B3GALT1: variants seen among roughly 807,000 people sequenced by gnomAD.
The protein encoded by B3GALT1 is UDP-Gal:betaGlcNAc beta 1,3-galactosyltransferase, polypeptide 1.
Under a neutral mutation model 23.2 loss-of-function variants are expected in B3GALT1, and 10 were observed. The observed-to-expected ratio is 0.43, with a 90% CI of 0.27 to 0.73. The LOEUF is 0.73. B3GALT1 is among the 30% of genes least tolerant of loss of function. The pLI, the probability that B3GALT1 is intolerant of heterozygous loss-of-function variation, is 0.21. For synonymous variants in B3GALT1, 156 were observed against 141.5 expected (o/e 1.10, Z -0.73); for missense variants, 299 against 405.4 (o/e 0.74, Z 2.25).
chr2:167,809,838 G>A (rs917742136), intron 3 of B3GALT1, among the ~76,000 whole-genome samples: 6 of 152,048 alleles, frequency 3.9e-5, no homozygotes, highest in African/African-American at 1.4e-4. Flanking sequence ...TAAGTCTGCA[G>A]AGGATTCTGC....
chr2:167,803,081 A>AACACACACAC (rs71940853), intron 3 of B3GALT1, among the ~76,000 whole-genome samples: 5,999 of 141,332 alleles, frequency 0.042, 337 homozygotes, highest in East Asian at 0.17. Context: ...GACCCTAACA[A>AACACACACAC]ACACACACAC....
chr2:167,482,683 T>TA (rs1434132609), intron 1 of B3GALT1, among the ~76,000 whole-genome samples: 1 of 151,828 alleles, frequency 6.6e-6, no homozygotes, highest in Admixed American at 6.6e-5. Flanking sequence ...CTACTAAAAA[T>TA]AAAAAAATTA....
chr2:167,545,201 AT>A (rs1273727323), intron 2 of B3GALT1, among the ~76,000 whole-genome samples: 24 of 151,246 alleles, frequency 1.6e-4, no homozygotes, highest in East Asian at 5.9e-4. Context: ...CGCCCGGCTA[AT>A]TTTTTTGTAT....
At chr2:167,771,452 T>C (rs12612454) in intron 3 of B3GALT1, among the ~76,000 whole-genome samples, 36,629 of 151,908 alleles carry the variant, frequency 0.24, 4,662 homozygotes, top group African/African-American at 0.31. Context: ...AACAAAAAAG[T>C]CCCAGCTACT....
intron 4 of B3GALT1, among the ~76,000 whole-genome samples, chr2:167,835,920 T>A (rs1689456219): frequency 6.6e-6 from 1 of 152,070 alleles, no homozygotes; most frequent in East Asian, 1.9e-4. Context: ...GCAAACAGGG[T>A]CTGGAGTGGA....
At chr2:167,720,782 A>G (rs1475354990) in intron 3 of B3GALT1, among the ~76,000 whole-genome samples, 2 of 152,162 alleles carry the variant, frequency 1.3e-5, no homozygotes, top group Admixed American at 6.5e-5. Flanking sequence ...CTTTGTAACC[A>G]TTCTTGAAAT....
chr2:167,630,194 C>T (rs1327087185), intron 2 of B3GALT1, among the ~76,000 whole-genome samples: 1 of 151,714 alleles, frequency 6.6e-6, no homozygotes, highest in Non-Finnish European at 1.5e-5. Context: ...ACACTTACCA[C>T]AATGCATTAA....
intron 3 of B3GALT1, among the ~76,000 whole-genome samples, chr2:167,777,107 T>C (rs1337226848): frequency 6.6e-6 from 1 of 152,190 alleles, no homozygotes; most frequent in African/African-American, 2.4e-5. Flanking sequence ...TTTCTAAGTA[T>C]CAGGCATATA....
intron 2 of B3GALT1, among the ~76,000 whole-genome samples, chr2:167,562,162 C>T (rs531677369): frequency 1.3e-5 from 2 of 152,168 alleles, no homozygotes; most frequent in African/African-American, 2.4e-5. Flanking sequence ...ATATGCAAAT[C>T]AATAAATGTA....
intron 1 of B3GALT1, among the ~76,000 whole-genome samples, chr2:167,380,600 CCCAG>C (rs1697835335): frequency 6.6e-6 from 1 of 152,112 alleles, no homozygotes; most frequent in Non-Finnish European, 1.5e-5. Context: ...TTTGTATGCA[CCCAG>C]ATTAAAAATG....
intron 1 of B3GALT1, among the ~76,000 whole-genome samples, chr2:167,330,132 A>G (rs1335833844): frequency 6.8e-6 from 1 of 147,170 alleles, no homozygotes; most frequent in African/African-American, 2.7e-5. Flanking sequence ...TTCCTTCTTC[A>G]CTCTAGGACC....
At chr2:167,525,286 A>G (rs1445363888) in intron 2 of B3GALT1, among the ~76,000 whole-genome samples, 1 of 151,958 alleles carries the variant, frequency 6.6e-6, no homozygotes, top group African/African-American at 2.4e-5. Context: ...TTTGTTTGGT[A>G]CGTTTTCCTT....
chr2:167,364,757 G>C (rs575265465), intron 1 of B3GALT1, among the ~76,000 whole-genome samples: 1 of 152,124 alleles, frequency 6.6e-6, no homozygotes, highest in South Asian at 2.1e-4. Flanking sequence ...TAGAAGTTGT[G>C]CTTTACATTT....
In B3GALT1 at chr2:167,870,421, G is replaced by A. The variant is rs1690319330; in HGVS notation, c.*401G>A. On this transcript the variant is annotated 3_prime_UTR_variant, in exon 5 of 5. Transcript: ENST00000392690. ...TTTTCAAAAGCAATTCAGAAAGGAT[G>A]CACAGTCAGGAAGACACACTGGATG... 1 of 179,328 alleles carries A rather than the reference G, an allele frequency of 5.6e-6. No individual in the cohort carries two copies. The highest frequency in any genetic ancestry group is 1.3e-5 in the Non-Finnish European group (1 of 75,200). The allele number at this position is 179,328 out of a possible 1,614,324, so 11.1% of individuals were successfully genotyped here.
intron 3 of B3GALT1, among the ~76,000 whole-genome samples, chr2:167,667,469 C>G (rs1404616966): frequency 6.6e-6 from 1 of 151,984 alleles, no homozygotes; most frequent in Non-Finnish European, 1.5e-5. Context: ...GTGGTGTTCT[C>G]TGTATTTCCT....
chr2:167,604,265 G>A (rs1177853976), intron 2 of B3GALT1, among the ~76,000 whole-genome samples: 1 of 152,078 alleles, frequency 6.6e-6, no homozygotes, highest in Non-Finnish European at 1.5e-5. Flanking sequence ...TTGCTCAGCT[G>A]CCCCCATGTG....
intron 2 of B3GALT1, among the ~76,000 whole-genome samples, chr2:167,521,984 G>GTATATATA (rs550521896): frequency 1.5e-4 from 19 of 122,630 alleles, no homozygotes; most frequent in Admixed American, 1.3e-3. Context: ...GTGTGTGTGT[G>GTATATATA]TATATATATA....
At chr2:167,472,429 C>T (rs890873472) in intron 1 of B3GALT1, among the ~76,000 whole-genome samples, 1 of 152,138 alleles carries the variant, frequency 6.6e-6, no homozygotes, top group Non-Finnish European at 1.5e-5. Flanking sequence ...CTTCCCAATT[C>T]ATAGGTCTAA....
At chr2:167,708,222 T>G (rs1010938002) in intron 3 of B3GALT1, among the ~76,000 whole-genome samples, 1 of 152,208 alleles carries the variant, frequency 6.6e-6, no homozygotes, top group African/African-American at 2.4e-5. Flanking sequence ...AAATTTTACC[T>G]GAAGTGTGAG....
Sources: allele counts gnomAD v4.1 joint callset (sites outside exome capture counted in the v4.1 genomes callset), GRCh38; gene constraint gnomAD v4.1.1; transcripts MANE v1.5; gene names NCBI Gene and HGNC (gene_info 2026-07-23, HGNC 2026-07-21).